The following MYO18B variants were observed in gnomAD, a reference collection of about 807,000 sequenced individuals.
MYO18B encodes the protein unconventional myosin-XVIIIb.
Under a neutral mutation model 273.0 loss-of-function variants are expected in MYO18B, and 204 were observed. That is an observed-to-expected ratio of 0.75 (90% CI 0.67 to 0.84). The LOEUF is 0.84. MYO18B is among the 40% of genes least tolerant of loss of function. The pLI, the probability that MYO18B is intolerant of heterozygous loss-of-function variation, is 0.00. For missense variants in MYO18B, 3,212 were observed against 3,287.6 expected, an observed-to-expected ratio of 0.98 and a Z score of 0.56; for synonymous variants, 1,330 against 1,305.7, an observed-to-expected ratio of 1.02 and a Z score of -0.40.
At chr22:25,898,569 G>A (rs2091863225) in intron 29 of MYO18B, 108 bp downstream of exon 29, 1 of 1,215,864 alleles carries the variant, frequency 8.2e-7, no homozygotes, top group Admixed American at 2.2e-5. Flanking sequence ...CAACTCCCTT[G>A]TTTTGCTCTA....
chr22:25,876,114 C>T, intron 23 of MYO18B, 75 bp from the exon 24 acceptor site: 3 of 1,511,394 alleles, frequency 2.0e-6, no homozygotes, highest in Non-Finnish European at 2.7e-6. Flanking sequence ...CTTTGCTACC[C>T]TCTGCCTCCT....
rs1936244374 is a variant in MYO18B, at chr22:26,026,431, T to C, written c.6471-14T>C. 4 of 1,585,482 alleles carry C rather than the reference T, an allele frequency of 2.5e-6. No individual in the cohort carries two copies. Among genetic ancestry groups the C allele is most frequent in the Admixed American group, 1.8e-5 (1 of 55,190 alleles). ...GCACAATTTCTACAGACTGCATTTT[T>C]CTTCTTGGCACAGGATAAACGAAGA... On this transcript the variant is annotated splice_polypyrimidine_tract_variant and intron_variant, in intron 42 of 43. Coordinates refer to ENST00000335473, the MANE Select transcript of MYO18B (RefSeq NM_032608.7).
intron 34 of MYO18B, among the ~76,000 whole-genome samples, chr22:25,930,395 C>T (rs2092481420): frequency 6.6e-6 from 1 of 151,736 alleles, no homozygotes; most frequent in South Asian, 2.1e-4. Context: ...AAAATCCCAG[C>T]CTGGGTTTGA....
chr22:25,745,954 T>A (rs1025705305), intron 1 of MYO18B, among the ~76,000 whole-genome samples: 1 of 152,134 alleles, frequency 6.6e-6, no homozygotes. Context: ...TGGGCGTGAG[T>A]TATTAGCCCC....
intron 42 of MYO18B, among the ~76,000 whole-genome samples, chr22:26,020,971 C>A (rs1191425864): frequency 2.0e-5 from 3 of 152,154 alleles, no homozygotes; most frequent in Non-Finnish European, 4.4e-5. Flanking sequence ...CACCTGTAAT[C>A]CCAGCTACTC....
At chr22:26,021,416 T>C (rs896675984) in intron 42 of MYO18B, among the ~76,000 whole-genome samples, 2 of 152,256 alleles carry the variant, frequency 1.3e-5, no homozygotes, top group Non-Finnish European at 2.9e-5. Flanking sequence ...ACCTACTATG[T>C]GCCTGAGGAC....
Position 25,835,398 on chromosome 22 carries a change from G to T in MYO18B, c.3163G>T (p.Glu1055Ter), listed in dbSNP as rs368091174. ...GGGCTCCAGTGACAGTGTGGTGCTC[G>T]AGCGTCTGTGTGCTGCTTTCGAGAA... ...VEGSSDSVVL[E>*]RLCAAFEKKG... The change falls in exon 17 of 44, where the codon GAG becomes TAG. Residue 1055 changes from glutamate to a stop codon, truncating the protein, a stop_gained. Coordinates refer to ENST00000335473, the MANE Select transcript of MYO18B (RefSeq NM_032608.7). LOFTEE classifies it high-confidence loss of function. 12 of 1,613,834 alleles carry T rather than the reference G, an allele frequency of 7.4e-6. No homozygotes were observed. The South Asian group carries it at 1.3e-4, about 18-fold the overall frequency.
chr22:26,052,057 G>A, the MYO18B span, among the ~76,000 whole-genome samples: 1 of 152,216 alleles, frequency 6.6e-6, no homozygotes, highest in Admixed American at 6.5e-5. Context: ...TTGGATATAT[G>A]TTTGAGGTCA....
intron 20 of MYO18B, among the ~76,000 whole-genome samples, chr22:25,849,243 C>T (rs2146033940): frequency 6.6e-6 from 1 of 152,326 alleles, no homozygotes; most frequent in East Asian, 1.9e-4. Context: ...GACCTCACGA[C>T]ACCATCTCTG....
chr22:25,893,534 G>A (rs1336018774), intron 27 of MYO18B, among the ~76,000 whole-genome samples: 1 of 152,172 alleles, frequency 6.6e-6, no homozygotes, highest in Non-Finnish European at 1.5e-5. Context: ...CTGCAGAAAT[G>A]CTTTCTGCTG....
At chr22:25,889,743 A>T (rs1245091144) in intron 25 of MYO18B, among the ~76,000 whole-genome samples, 1 of 152,166 alleles carries the variant, frequency 6.6e-6, no homozygotes, top group Non-Finnish European at 1.5e-5. Context: ...ATAATGCCAC[A>T]GAAGCCCTGC....
rs1569304597 is a variant in MYO18B, at chr22:26,023,496, T to TTCCTCCTCCC, written c.6471-2949_6471-2948insTCCTCCTCCC. The stretch of plus-strand genomic sequence containing the variant: ...CTCCTCCCTCCTCCTCCTCCTCCTC[T>TTCCTCCTCCC]ACCTCCTCCCTCCTCCTCCCTCCTC... On this transcript the variant is annotated intron_variant, in intron 42 of 43. Transcript: ENST00000335473. 5.1e-3 allele frequency among the ~76,000 whole-genome samples: 517 copies of TTCCTCCTCCC among 102,042 alleles called. 4 individuals carry two copies. The highest frequency in any genetic ancestry group is 0.02 in the African/African-American group (487 of 24,796). The allele number at this position is 102,042 out of a possible 152,430, so 66.9% of individuals were successfully genotyped here.
Position 25,992,056 on chromosome 22 carries a change from C to T in MYO18B, c.6157-307C>T, listed in dbSNP as rs576397018. On this transcript the variant is annotated intron_variant, in intron 39 of 43. Coordinates refer to ENST00000335473, the MANE Select transcript of MYO18B (RefSeq NM_032608.7). ...CAAGATGGGCTGAGTATCCACTGTG[C>T]GTGGTGGTGCAGATTCAGAGCATGG... Among the ~76,000 whole-genome samples, 5 of 152,310 alleles carry T rather than the reference C, an allele frequency of 3.3e-5. No individual in the cohort carries two copies. The South Asian group carries it at 6.2e-4, about 19-fold the overall frequency.
In MYO18B at chr22:25,992,371, C is replaced by T. The variant is rs916425; in HGVS notation, c.6165C>T (p.Tyr2055=). The T allele has an allele frequency of 0.16, 251,270 of 1,613,708 alleles. 20,887 individuals are homozygous for T. Among genetic ancestry groups the T allele is most frequent in the Middle Eastern group, 0.22 (1,346 of 6,060 alleles). Residue 2055 remains tyrosine, a synonymous_variant, in exon 40 of 44, where the codon TAC becomes TAT. Transcript: ENST00000335473. The part of the protein sequence containing the change: ...ASRRCMELEK[Y]VEELAAVRQT... ...GCATCTTCTGTCCCCAGGAGAAGTA[C>T]GTGGAGGAACTTGCAGCAGTGAGGC... is the stretch of plus-strand genomic sequence containing the variant.
chr22:25,887,928 A>G (rs1202180313), intron 25 of MYO18B, among the ~76,000 whole-genome samples: 1 of 152,186 alleles, frequency 6.6e-6, no homozygotes, highest in Non-Finnish European at 1.5e-5. Context: ...TAAGGTGGAG[A>G]GAACACAGTC....
At chr22:25,826,337 T>G (rs1404997824) in intron 13 of MYO18B, 72 bp from the exon 14 acceptor site, 1 of 1,131,474 alleles carries the variant, frequency 8.8e-7, no homozygotes, top group Non-Finnish European at 1.3e-6. Context: ...TGGTCCCTAC[T>G]GCTCTGCAGT....
Position 25,761,085 on chromosome 22 carries a change from G to A in MYO18B, c.-8G>A. 1 of 1,613,426 alleles carries A rather than the reference G, an allele frequency of 6.2e-7. No individual in the cohort carries two copies. Among genetic ancestry groups the A allele is most frequent in the Non-Finnish European group, 8.5e-7 (1 of 1,179,866 alleles). ...CTCATCATCTCACGGCCCTGGCACT[G>A]CCTCAGCATGGCCATCTCATCACGC... is the stretch of plus-strand genomic sequence containing the variant. On this transcript the variant is annotated 5_prime_UTR_variant, in exon 2 of 44. Transcript: ENST00000335473.
At chr22:25,803,275 T>C (rs2088306268) in intron 12 of MYO18B, among the ~76,000 whole-genome samples, 1 of 152,230 alleles carries the variant, frequency 6.6e-6, no homozygotes, top group South Asian at 2.1e-4. Flanking sequence ...GACTAGCTGC[T>C]TTCATGTGGT....
At chr22:26,063,666 A>C in the MYO18B span, among the ~76,000 whole-genome samples, 2 of 152,090 alleles carry the variant, frequency 1.3e-5, no homozygotes, top group Non-Finnish European at 2.9e-5. Context: ...ACTCCACCCC[A>C]AAATCCAAAG....
Sources: gnomAD v4.1 joint callset for allele counts (sites outside exome capture counted in the v4.1 genomes callset) on GRCh38, gnomAD v4.1.1 for gene constraint, MANE v1.5 for transcripts, NCBI Gene and HGNC (gene_info 2026-07-23, HGNC 2026-07-21) for gene names.